Variants in ACVR1 observed in about 807,000 individuals in gnomAD.
The protein encoded by ACVR1 is activin receptor type-1.
ACVR1 carries 38 observed loss-of-function variants against 57.1 expected under a neutral mutation model. That is an observed-to-expected ratio of 0.67 (90% CI 0.51 to 0.87). ACVR1 has a LOEUF of 0.87. ACVR1 is among the 40% of genes least tolerant of loss of function. The probability of loss-of-function intolerance (pLI) is 0.00; values close to 1 mark genes in which losing one functional copy is unlikely to be tolerated. For synonymous variants in ACVR1, 212 were observed against 228.1 expected, an observed-to-expected ratio of 0.93 and a Z score of 0.63; for missense variants, 463 against 638.2, an observed-to-expected ratio of 0.73 and a Z score of 2.96.
chr2:157,832,355 G>A (rs1272319079), intron 1 of ACVR1, among the ~76,000 whole-genome samples: 1 of 152,156 alleles, frequency 6.6e-6, no homozygotes, highest in Admixed American at 6.5e-5. Flanking sequence ...TGAGGTATCA[G>A]AAGAAACTAA....
intron 2 of ACVR1, among the ~76,000 whole-genome samples, chr2:157,800,703 A>C (rs957779406): frequency 5.3e-5 from 8 of 152,054 alleles, no homozygotes; most frequent in Non-Finnish European, 8.8e-5. Context: ...GGAAGATCCT[A>C]CTACTGTTGT....
rs2105261168 is a variant in ACVR1, at chr2:157,766,552, A to G, written c.791-356T>C. Among the ~76,000 whole-genome samples the G allele has an allele frequency of 2.0e-5, 3 of 152,332 alleles. No homozygotes were observed. The Middle Eastern group carries it at 0.01, about 518-fold the overall frequency. On this transcript the variant is annotated intron_variant, in intron 7 of 10. Transcript: ENST00000434821. ...TTTAGGAACAGACCATTCATCAACC[A>G]TCCTAAAAGAACATCAAATCTAAAA...
chr2:157,785,518 C>T (rs1686681742), intron 3 of ACVR1, among the ~76,000 whole-genome samples: 1 of 152,292 alleles, frequency 6.6e-6, no homozygotes, highest in Admixed American at 6.5e-5. Context: ...AAGACAGAGA[C>T]ACAAAGGTCC....
chr2:157,804,345 C>T (rs1276398975), intron 2 of ACVR1, among the ~76,000 whole-genome samples: 1 of 151,994 alleles, frequency 6.6e-6, no homozygotes, highest in Admixed American at 6.6e-5. Flanking sequence ...TCAACAAGTC[C>T]AACAGTCAAG....
chr2:157,805,917 C>G (rs1025575386), intron 2 of ACVR1, among the ~76,000 whole-genome samples: 1 of 147,222 alleles, frequency 6.8e-6, no homozygotes, highest in Admixed American at 7.0e-5. Context: ...TCAACCTCCT[C>G]GGCTCAAATG....
chr2:157,765,491 C>T (rs761954618), intron 8 of ACVR1, among the ~76,000 whole-genome samples: 6 of 151,986 alleles, frequency 3.9e-5, no homozygotes, highest in South Asian at 4.1e-4. Flanking sequence ...CTCTGTATCT[C>T]GACAGGGATT....
At chr2:157,865,047 C>A (rs1372113) in intron 1 of ACVR1, among the ~76,000 whole-genome samples, 1 of 147,668 alleles carries the variant, frequency 6.8e-6, no homozygotes, top group Non-Finnish European at 1.5e-5. Flanking sequence ...TAAAGCTGTG[C>A]TTAGCAAGGC....
intron 2 of ACVR1, among the ~76,000 whole-genome samples, chr2:157,817,835 C>A (rs1043770926): frequency 2.0e-5 from 3 of 151,910 alleles, no homozygotes; most frequent in Non-Finnish European, 4.4e-5. Context: ...CCCGTCTCTA[C>A]TAATAATACA....
chr2:157,738,554 G>A lies in ACVR1; in HGVS notation c.1281C>T (p.Tyr427=), dbSNP rs1477688914. Reference sequence around the variant, plus strand: ...GAACCACATCGTAGAACGGTGGCTTGTAATCCTCCACTATACCTGCACACA... The same window carrying A: ...GAACCACATCGTAGAACGGTGGCTTATAATCCTCCACTATACCTGCACACA... ...RMVSNGIVED[Y]KPPFYDVVPN... The change falls in exon 10 of 11, where the codon TAC becomes TAT. Residue 427 remains tyrosine (Y), a synonymous_variant. Coordinates refer to ENST00000434821, the MANE Select transcript of ACVR1 (RefSeq NM_001111067.4). The A allele has an allele frequency of 6.2e-7, 1 of 1,614,096 alleles. No homozygotes were observed. Among genetic ancestry groups the A allele is most frequent in the Non-Finnish European group, 8.5e-7 (1 of 1,179,968 alleles).
intron 1 of ACVR1, among the ~76,000 whole-genome samples, chr2:157,832,511 A>C (rs531222467): frequency 6.6e-6 from 1 of 152,246 alleles, no homozygotes; most frequent in Admixed American, 6.5e-5. Flanking sequence ...CTGCTCCCAG[A>C]ATTATGTGCT....
At chr2:157,861,753 A>G (rs573474281) in intron 1 of ACVR1, among the ~76,000 whole-genome samples, 41 of 152,338 alleles carry the variant, frequency 2.7e-4, no homozygotes, top group African/African-American at 9.9e-4. Context: ...ATCACGGGCA[A>G]TGCATCATAC....
chr2:157,861,920 T>C (rs957703743), intron 1 of ACVR1, among the ~76,000 whole-genome samples: 8 of 152,200 alleles, frequency 5.3e-5, no homozygotes, highest in Non-Finnish European at 1.0e-4. Flanking sequence ...AAAGTAGATA[T>C]AAAACCTGTC....
At chr2:157,872,353 T>A (rs965233173) in intron 1 of ACVR1, among the ~76,000 whole-genome samples, 1 of 152,250 alleles carries the variant, frequency 6.6e-6, no homozygotes, top group Non-Finnish European at 1.5e-5. Flanking sequence ...GGTCACACCT[T>A]ACTACTGGGT....
intron 9 of ACVR1, among the ~76,000 whole-genome samples, chr2:157,744,781 C>T (rs1160986996): frequency 6.6e-6 from 1 of 152,218 alleles, no homozygotes; most frequent in Non-Finnish European, 1.5e-5. Context: ...ACAGATAAAA[C>T]ATGACTAATG....
intron 1 of ACVR1, among the ~76,000 whole-genome samples, chr2:157,843,951 A>C (rs1261512991): frequency 6.6e-6 from 1 of 152,234 alleles, no homozygotes; most frequent in East Asian, 1.9e-4. Flanking sequence ...AAAAGAAAAA[A>C]GGAGCTATTC....
intron 1 of ACVR1, among the ~76,000 whole-genome samples, chr2:157,849,082 G>T (rs547560870): frequency 1.3e-5 from 2 of 152,270 alleles, no homozygotes; most frequent in East Asian, 3.9e-4. Flanking sequence ...TCTGGTCCAA[G>T]AAATCACTAC....
chr2:157,872,793 T>C (rs1417377846), intron 1 of ACVR1, among the ~76,000 whole-genome samples: 3 of 152,200 alleles, frequency 2.0e-5, no homozygotes, highest in African/African-American at 4.8e-5. Flanking sequence ...AAAAAATGTA[T>C]TGTGTATGTA....
At chr2:157,754,129 A>G (rs1310892242) in intron 9 of ACVR1, among the ~76,000 whole-genome samples, 3 of 152,234 alleles carry the variant, frequency 2.0e-5, no homozygotes, top group African/African-American at 7.2e-5. Context: ...AGGAAAGTTC[A>G]TAGCCTTAAA....
rs893516693 is a variant in ACVR1 at position 157,737,032 on chromosome 2, G to A, written c.*499C>T. 8.6e-5 allele frequency: 25 copies of A among 292,150 alleles called. No homozygotes were observed. The highest frequency in any genetic ancestry group is 4.6e-4 in the African/African-American group (22 of 47,764). The allele number at this position is 292,150 out of a possible 1,614,324, so 18.1% of individuals were successfully genotyped here. A position where few individuals can be genotyped will look rare whatever the true frequency, so the allele number is the denominator to read the frequency against. On this transcript the variant is annotated 3_prime_UTR_variant, in exon 11 of 11. Transcript: ENST00000434821. Reference sequence around the variant, plus strand: ...ATCCAAAGACAGACCAGTGGAGTACGCAGCCAACATTTTGGCAAGTTGGGT... The same window carrying A: ...ATCCAAAGACAGACCAGTGGAGTACACAGCCAACATTTTGGCAAGTTGGGT...
Sources: allele counts gnomAD v4.1 joint callset (sites outside exome capture counted in the v4.1 genomes callset), GRCh38; gene constraint gnomAD v4.1.1; transcripts MANE v1.5; gene names NCBI Gene and HGNC (gene_info 2026-07-23, HGNC 2026-07-21).